SCYL2: variants seen among roughly 807,000 people sequenced by gnomAD.
The protein encoded by SCYL2 is SCY1 like pseudokinase 2.
In SCYL2, 36 loss-of-function variants were observed where a neutral mutation model predicts 100.4. That is an observed-to-expected ratio of 0.36 (90% CI 0.27 to 0.47). SCYL2 has a LOEUF of 0.47. Ranked by LOEUF, SCYL2 falls within the 20% of genes least tolerant of loss-of-function variation. SCYL2 has a pLI of 1.00. For missense variants in SCYL2, 902 were observed against 1,083.9 expected, an observed-to-expected ratio of 0.83 and a Z score of 2.36; for synonymous variants, 330 against 359.2, an observed-to-expected ratio of 0.92 and a Z score of 0.92.
chr12:100,327,521 T>G (rs1287467656), intron 12 of SCYL2, among the ~76,000 whole-genome samples: 1 of 151,814 alleles, frequency 6.6e-6, no homozygotes, highest in African/African-American at 2.4e-5. Flanking sequence ...TTTGCTAATT[T>G]TTTTTTTTTT....
rs143410251 is a variant in SCYL2 at position 100,309,106 on chromosome 12, T to TTGTGTGTG, written c.481-1917_481-1910dup. Reference sequence around the variant, plus strand: ...TCACCTGATTTTTGGGTATTTTGATTTGTGTGTGTGTGTGTGTGTGTGTGT... The same window carrying TTGTGTGTG: ...TCACCTGATTTTTGGGTATTTTGATTTGTGTGTGTGTGTGTGTGTGTGTGTGTGTGTGT... On this transcript the variant is annotated intron_variant, in intron 4 of 17. Coordinates refer to ENST00000360820, the MANE Select transcript of SCYL2 (RefSeq NM_017988.6). Among the ~76,000 whole-genome samples the TTGTGTGTG allele has an allele frequency of 7.3e-3, 1,082 of 148,154 alleles. 8 individuals are homozygous for TTGTGTGTG. The highest frequency in any genetic ancestry group is 0.01 in the Admixed American group (153 of 14,824).
chr12:100,340,752 A>G lies in SCYL2; in HGVS notation c.*1580A>G, dbSNP rs749546282. Reference sequence around the variant, plus strand: ...GTATGGGCTGTACTTGGTTAACTTGATTTTAGAAAAAGGACTAACAGAATT... The same window carrying G: ...GTATGGGCTGTACTTGGTTAACTTGGTTTTAGAAAAAGGACTAACAGAATT... On this transcript the variant is annotated 3_prime_UTR_variant, in exon 18 of 18. Coordinates refer to ENST00000360820, the MANE Select transcript of SCYL2 (RefSeq NM_017988.6). 1.4e-4 allele frequency: 22 copies of G among 152,186 alleles called. No individual in the cohort carries two copies. Among genetic ancestry groups the G allele is most frequent in the Non-Finnish European group, 2.9e-4 (20 of 67,926 alleles). The allele number at this position is 152,186 out of a possible 1,614,324, so 9.4% of individuals were successfully genotyped here. A position where few individuals can be genotyped will look rare whatever the true frequency, so the allele number is the denominator to read the frequency against.
chr12:100,332,633 T>C (rs887777628), intron 13 of SCYL2, among the ~76,000 whole-genome samples: 2 of 152,054 alleles, frequency 1.3e-5, no homozygotes, highest in African/African-American at 4.8e-5. Context: ...CCAAAGAGTA[T>C]GAGGGTGGAA....
intron 16 of SCYL2, 90 bp downstream of exon 16, chr12:100,335,996 G>A: frequency 1.1e-6 from 1 of 887,940 alleles, no homozygotes; most frequent in Non-Finnish European, 1.8e-6. Flanking sequence ...ATACTGTTCA[G>A]CAGCTTAACA....
At position 100,321,708 on chromosome 12, in the gene SCYL2, T is replaced by A. The variant is rs145116375; in HGVS notation, c.1396-1817T>A. 1.9e-3 allele frequency among the ~76,000 whole-genome samples: 296 copies of A among 152,254 alleles called. 7 individuals carry two copies. Among genetic ancestry groups the A allele is most frequent in the African/African-American group, 6.9e-3 (288 of 41,546 alleles). ...CATTTTCATATATATCCTTCTAGTC[T>A]TTTTTCCTAAACCTATGGATAGACA... On this transcript the variant is annotated intron_variant, in intron 10 of 17. Coordinates refer to ENST00000360820, the MANE Select transcript of SCYL2 (RefSeq NM_017988.6).
chr12:100,297,074 C>CT (rs2096321719), intron 3 of SCYL2, among the ~76,000 whole-genome samples: 1 of 152,208 alleles, frequency 6.6e-6, no homozygotes, highest in East Asian at 1.9e-4. Context: ...AGCCACATTA[C>CT]TGTACTACTT....
At chr12:100,276,736 T>A (rs1042724820) in intron 1 of SCYL2, among the ~76,000 whole-genome samples, 2 of 152,126 alleles carry the variant, frequency 1.3e-5, no homozygotes, top group African/African-American at 4.8e-5. Context: ...CTTTTTCATT[T>A]CTCTATTAAA....
intron 12 of SCYL2, among the ~76,000 whole-genome samples, chr12:100,328,942 CTTATG>C (rs1952172760): frequency 1.3e-5 from 2 of 152,128 alleles, no homozygotes; most frequent in African/African-American, 4.8e-5. Context: ...TGATAAGCTT[CTTATG>C]TTATGCTATC....
intron 10 of SCYL2, among the ~76,000 whole-genome samples, chr12:100,323,236 CAAAG>C (rs1421108744): frequency 6.6e-6 from 1 of 151,888 alleles, no homozygotes; most frequent in Non-Finnish European, 1.5e-5. Context: ...CTTGTGTTAT[CAAAG>C]AAAGAGATTA....
chr12:100,311,978 G>A lies in SCYL2; in HGVS notation c.631-454G>A, dbSNP rs532650488. On this transcript the variant is annotated intron_variant, in intron 5 of 17. Coordinates refer to ENST00000360820, the MANE Select transcript of SCYL2 (RefSeq NM_017988.6). ...AGGTAATCAGAACTAACTAGTATTGGTTGGATATATATCATGAGTGGGTCA... is the reference window on the plus strand; with the variant it reads ...AGGTAATCAGAACTAACTAGTATTGATTGGATATATATCATGAGTGGGTCA... 2.6e-5 allele frequency among the ~76,000 whole-genome samples: 4 copies of A among 152,268 alleles called. No individual in the cohort carries two copies. The South Asian group carries it at 8.3e-4, about 32-fold the overall frequency.
chr12:100,287,896 A>G (rs1592934976), intron 2 of SCYL2, among the ~76,000 whole-genome samples: 3 of 152,222 alleles, frequency 2.0e-5, no homozygotes, highest in Admixed American at 2.0e-4. Context: ...AGCAATAGAC[A>G]TCTGAGTATC....
At chr12:100,296,905 T>G (rs1222717384) in intron 3 of SCYL2, 1 of 152,192 alleles carries the variant, frequency 6.6e-6, no homozygotes, top group Non-Finnish European at 1.5e-5. Flanking sequence ...TAAGTTCTGT[T>G]TTTATTTCTT....
chr12:100,326,855 A>G, intron 12 of SCYL2, 101 bp downstream of exon 12: 1 of 934,674 alleles, frequency 1.1e-6, no homozygotes, highest in South Asian at 1.8e-5. Context: ...ATAGCATTTC[A>G]TAATTGAAGA....
intron 2 of SCYL2, among the ~76,000 whole-genome samples, chr12:100,286,848 A>G (rs1359509424): frequency 6.6e-6 from 1 of 152,080 alleles, no homozygotes; most frequent in Admixed American, 6.5e-5. Context: ...ATGTGAAGCC[A>G]AATATGCTAG....
At chr12:100,318,210 GGAA>G (rs2096351357) in intron 10 of SCYL2, among the ~76,000 whole-genome samples, 1 of 152,008 alleles carries the variant, frequency 6.6e-6, no homozygotes, top group Non-Finnish European at 1.5e-5. Flanking sequence ...GTACTATTAT[GGAA>G]GAAGATTTGA....
At chr12:100,283,459 T>A (rs889779994) in intron 2 of SCYL2, among the ~76,000 whole-genome samples, 4 of 152,204 alleles carry the variant, frequency 2.6e-5, no homozygotes, top group African/African-American at 9.6e-5. Flanking sequence ...GCATATGTTT[T>A]AGGATAGAAA....
rs553490428 is a variant in SCYL2, at chr12:100,341,371, G to A, written c.*2199G>A. On this transcript the variant is annotated 3_prime_UTR_variant, in exon 18 of 18. Coordinates refer to ENST00000360820, the MANE Select transcript of SCYL2 (RefSeq NM_017988.6). ...AAGACAATTAAGTCCGTTATGTTTA[G>A]AGTAGAAAATGTTTAGGTTAAAGAG... The A allele has an allele frequency of 2.0e-5, 3 of 152,202 alleles. No individual in the cohort carries two copies. Among genetic ancestry groups the A allele is most frequent in the South Asian group, 4.1e-4 (2 of 4,820 alleles). 9.4% of individuals were successfully genotyped at this position (152,202 alleles called of 1,614,324 possible).
chr12:100,308,762 C>T (rs888071265), intron 4 of SCYL2, among the ~76,000 whole-genome samples: 1 of 152,118 alleles, frequency 6.6e-6, no homozygotes, highest in African/African-American at 2.4e-5. Flanking sequence ...CAAGAAACTC[C>T]AGTTCTGACC....
chr12:100,317,959 A>G (rs1011199530), intron 10 of SCYL2, 34 bp downstream of exon 10: 2 of 1,518,500 alleles, frequency 1.3e-6, no homozygotes, highest in African/African-American at 2.8e-5. Flanking sequence ...TTTAATGATG[A>G]TTTTGATTCT....
Sources: gnomAD v4.1 joint callset for allele counts (sites outside exome capture counted in the v4.1 genomes callset) on GRCh38, gnomAD v4.1.1 for gene constraint, MANE v1.5 for transcripts, NCBI Gene and HGNC (gene_info 2026-07-23, HGNC 2026-07-21) for gene names.